The following DAPK1 variants were observed in gnomAD, a reference collection of about 807,000 sequenced individuals.
DAPK1 encodes the protein death associated protein kinase 1, also known as death-associated protein kinase 1.
A neutral mutation model predicts 144.9 loss-of-function variants in DAPK1; 56 were observed. That is an observed-to-expected ratio of 0.39 (90% CI 0.31 to 0.48). The LOEUF is 0.48. Among genes scored for constraint, DAPK1 ranks in the 20% least tolerant of loss-of-function variants. DAPK1 has a pLI of 0.95. For synonymous variants in DAPK1, 690 were observed against 749.0 expected (o/e 0.92, Z 1.29); for missense variants, 1,454 against 1,875.4 (o/e 0.78, Z 4.15).
intron 11 of DAPK1, 143 bp from the exon 12 acceptor site, chr9:87,645,752 A>G (rs1830244311): frequency 3.8e-6 from 4 of 1,052,576 alleles, no homozygotes; most frequent in Non-Finnish European, 5.5e-6. Context: ...AGGTCCCTCC[A>G]TGACTGTATG....
chr9:87,582,974 G>A (rs1456007316), intron 2 of DAPK1, among the ~76,000 whole-genome samples: 1 of 152,080 alleles, frequency 6.6e-6, no homozygotes, highest in Non-Finnish European at 1.5e-5. Context: ...TGAGACCCCA[G>A]ATTCCTTCAT....
intron 17 of DAPK1, among the ~76,000 whole-genome samples, chr9:87,653,066 C>A (rs867017259): frequency 6.1e-5 from 8 of 132,052 alleles, no homozygotes; most frequent in South Asian, 5.4e-4. Flanking sequence ...CCCACCTGAT[C>A]CCAGGTCCTG....
rs1564000898 is a variant in DAPK1, at chr9:87,571,478, C to CCCCA, written c.63-33476_63-33475insCCCA. On this transcript the variant is annotated intron_variant, in intron 2 of 25. Transcript: ENST00000408954. ...ACACACACACACACACACACACCAA[C>CCCCA]ACACACACACACACACCCCAACACA... 7.4e-5 allele frequency among the ~76,000 whole-genome samples: 4 copies of CCCCA among 54,122 alleles called. 1 individual carries two copies. Among genetic ancestry groups the CCCCA allele is most frequent in the Non-Finnish European group, 3.4e-5 (1 of 29,766 alleles). The allele number at this position is 54,122 out of a possible 152,430, so 35.5% of individuals were successfully genotyped here.
chr9:87,638,569 C>T (rs567600055), intron 4 of DAPK1, among the ~76,000 whole-genome samples: 63 of 152,330 alleles, frequency 4.1e-4, no homozygotes, highest in African/African-American at 1.5e-3. Flanking sequence ...GTAAGCCGTC[C>T]TCCCAGCCAT....
chr9:87,671,839 T>C (rs1587832158), intron 19 of DAPK1, among the ~76,000 whole-genome samples: 1 of 152,260 alleles, frequency 6.6e-6, no homozygotes, highest in East Asian at 1.9e-4. Flanking sequence ...ATGCCCTAAT[T>C]AAAGGACAAC....
At position 87,514,067 on chromosome 9, in the gene DAPK1, G is replaced by A. The variant is rs73654305; in HGVS notation, c.62+14928G>A. Among the ~76,000 whole-genome samples, 743 of 152,236 alleles carry A rather than the reference G, an allele frequency of 4.9e-3. 2 individuals carry two copies. The highest frequency in any genetic ancestry group is 0.014 in the African/African-American group (597 of 41,528). On this transcript the variant is annotated intron_variant, in intron 2 of 25. Coordinates refer to ENST00000408954, the MANE Select transcript of DAPK1 (RefSeq NM_004938.4). ...GACATTGCTAAATGTGTGAGGGGGC[G>A]CAAAATTCCCCCACCCTCTGTAGAG...
chr9:87,520,906 A>G (rs1435541616), intron 2 of DAPK1, among the ~76,000 whole-genome samples: 1 of 152,242 alleles, frequency 6.6e-6, no homozygotes, highest in Non-Finnish European at 1.5e-5. Context: ...ACTCTTTATT[A>G]TAAATTCCAT....
chr9:87,568,910 G>A (rs1432624449), intron 2 of DAPK1, among the ~76,000 whole-genome samples: 2 of 152,192 alleles, frequency 1.3e-5, no homozygotes, highest in Non-Finnish European at 2.9e-5. Flanking sequence ...GGTCTGATGT[G>A]ATGAGCAGAC....
chr9:87,630,652 A>G (rs1275595104), intron 3 of DAPK1, among the ~76,000 whole-genome samples: 1 of 152,170 alleles, frequency 6.6e-6, no homozygotes, highest in Non-Finnish European at 1.5e-5. Flanking sequence ...GGATTCGAGG[A>G]GCTGGGAAAT....
chr9:87,640,566 G>T, intron 8 of DAPK1, 116 bp downstream of exon 8: 11 of 1,241,402 alleles, frequency 8.9e-6, no homozygotes, highest in Non-Finnish European at 1.1e-5. Context: ...ATCTGCCAAA[G>T]GGCAGCATGC....
intron 2 of DAPK1, among the ~76,000 whole-genome samples, chr9:87,521,884 G>A (rs543551043): frequency 7.2e-5 from 11 of 152,322 alleles, no homozygotes; most frequent in Admixed American, 2.0e-4. Flanking sequence ...TAATTCATAC[G>A]TGGGTTAGTG....
intron 3 of DAPK1, among the ~76,000 whole-genome samples, chr9:87,620,652 T>G (rs1587777419): frequency 6.7e-5 from 9 of 135,166 alleles, no homozygotes; most frequent in East Asian, 2.2e-4. Context: ...GGACTGGGAG[T>G]AGGACAGGTA....
intron 2 of DAPK1, among the ~76,000 whole-genome samples, chr9:87,569,355 G>A (rs34006274): frequency 0.16 from 23,935 of 152,184 alleles, 2,036 homozygotes; most frequent in Admixed American, 0.19. Flanking sequence ...CAGAGTTCAC[G>A]GGGGAGCCCA....
At chr9:87,671,673 C>G (rs1587832010) in intron 19 of DAPK1, among the ~76,000 whole-genome samples, 2 of 152,234 alleles carry the variant, frequency 1.3e-5, no homozygotes, top group Middle Eastern at 3.4e-3. Flanking sequence ...CCACACCCAC[C>G]TGGCTAATTT....
chr9:87,618,827 G>A (rs1462650301), intron 3 of DAPK1, among the ~76,000 whole-genome samples: 1 of 152,204 alleles, frequency 6.6e-6, no homozygotes, highest in African/African-American at 2.4e-5. Flanking sequence ...TCTAAAATTA[G>A]ATTGTGGGGA....
intron 2 of DAPK1, among the ~76,000 whole-genome samples, chr9:87,595,425 G>C (rs1046681751): frequency 6.6e-6 from 1 of 152,118 alleles, no homozygotes; most frequent in African/African-American, 2.4e-5. Context: ...CCTTCCTCCT[G>C]CAAAGAGGTA....
At chr9:87,551,016 G>A (rs1051429015) in intron 2 of DAPK1, among the ~76,000 whole-genome samples, 2 of 152,230 alleles carry the variant, frequency 1.3e-5, no homozygotes, top group African/African-American at 2.4e-5. Context: ...AGGCCAAGCT[G>A]TTGGGTCCCC....
chr9:87,698,367 G>T (rs549071911), intron 22 of DAPK1: 5 of 295,484 alleles, frequency 1.7e-5, no homozygotes, highest in Non-Finnish European at 2.5e-5. Flanking sequence ...CCCTCTCCTT[G>T]TAAGTAGGGG....
chr9:87,572,253 T>C (rs1043194845), intron 2 of DAPK1, among the ~76,000 whole-genome samples: 2 of 152,108 alleles, frequency 1.3e-5, no homozygotes, highest in African/African-American at 4.8e-5. Flanking sequence ...TAGTAAGAGG[T>C]CTCTATTTCT....
Sources: allele counts gnomAD v4.1 joint callset (sites outside exome capture counted in the v4.1 genomes callset), GRCh38; gene constraint gnomAD v4.1.1; transcripts MANE v1.5; gene names NCBI Gene and HGNC (gene_info 2026-07-23, HGNC 2026-07-21).